PNPLA7: variants seen among roughly 807,000 people sequenced by gnomAD.
PNPLA7 encodes patatin-like phospholipase domain-containing protein 7.
PNPLA7 carries 153 observed loss-of-function variants against 161.7 expected under a neutral mutation model. The ratio of observed to expected loss-of-function variants is 0.95; its 90% CI spans 0.83 to 1.08. PNPLA7 has a LOEUF of 1.08. Among genes scored for constraint, PNPLA7 ranks in the 50% least tolerant of loss-of-function variants. PNPLA7 has a pLI of 0.00. For missense variants in PNPLA7, 1,739 were observed against 1,856.6 expected, an observed-to-expected ratio of 0.94 and a Z score of 1.16; for synonymous variants, 809 against 782.1, an observed-to-expected ratio of 1.03 and a Z score of -0.57.
rs141981552 is a variant in PNPLA7, at chr9:137,540,303, G to A, written c.747+339C>T. Among the ~76,000 whole-genome samples the A allele has an allele frequency of 4.8e-3, 734 of 152,354 alleles. 7 individuals carry two copies. The highest frequency in any genetic ancestry group is 0.016 in the African/African-American group (685 of 41,582). On this transcript the variant is annotated intron_variant, in intron 8 of 34. Coordinates refer to ENST00000406427, the MANE Select transcript of PNPLA7 (RefSeq NM_001098537.3). The surrounding 1 kb of genome is among the most constrained non-coding windows in gnomAD (Gnocchi z 5.1). ...GAAACGGGGGTGGCTGGTCCCTCGG[G>A]AGGGCCTTGGGCCTGAGGAGAGGAG...
intron 9 of PNPLA7, 65 bp from the exon 10 acceptor site, chr9:137,521,781 A>G (rs564770853): frequency 1.4e-6 from 2 of 1,432,204 alleles, no homozygotes; most frequent in South Asian, 2.3e-5. Context: ...CCCCGGCAGC[A>G]CCACACAGAG....
At chr9:137,485,479 C>A (rs1415982734) in intron 20 of PNPLA7, among the ~76,000 whole-genome samples, 1 of 152,252 alleles carries the variant, frequency 6.6e-6, no homozygotes, top group South Asian at 2.1e-4. Flanking sequence ...CAGACACACT[C>A]TCCAGGTGAG....
chr9:137,520,382 C>T lies in PNPLA7; in HGVS notation c.958-339G>A, dbSNP rs752544569. On this transcript the variant is annotated intron_variant, in intron 10 of 34. Coordinates refer to ENST00000406427, the MANE Select transcript of PNPLA7 (RefSeq NM_001098537.3). The surrounding 1 kb of genome is among the most constrained non-coding windows in gnomAD (Gnocchi z 5.2). ...CTTTTACCCTAGGCCCTGTCTCAAACACTTGATCAAGTCAACATACTGCCC... is the reference window on the plus strand; with the variant it reads ...CTTTTACCCTAGGCCCTGTCTCAAATACTTGATCAAGTCAACATACTGCCC... Among the ~76,000 whole-genome samples, 2 of 152,232 alleles carry T rather than the reference C, an allele frequency of 1.3e-5. No individual in the cohort carries two copies. Among genetic ancestry groups the T allele is most frequent in the Admixed American group, 6.5e-5 (1 of 15,278 alleles).
chr9:137,512,606 G>C (rs750572082), intron 12 of PNPLA7, among the ~76,000 whole-genome samples: 1 of 152,134 alleles, frequency 6.6e-6, no homozygotes, highest in Non-Finnish European at 1.5e-5. Flanking sequence ...TGCAATGTGC[G>C]TCCTGCATGC....
rs140268990 is a variant in PNPLA7 at position 137,463,457 on chromosome 9, C to T, written c.3301G>A (p.Gly1101Arg). 81 of 1,598,938 alleles carry T rather than the reference C, an allele frequency of 5.1e-5. No homozygotes were observed. Among genetic ancestry groups the T allele is most frequent in the Admixed American group, 1.4e-4 (8 of 57,858 alleles). ...YMPPLCDPKD[G>R]HLLMDGGYIN... ...TAGCCCCCGTCCATCAGCAGGTGTC[C>T]GTCCTTCGGGTCACAGAGAGGGGGC... Residue 1101 changes from glycine to arginine, a missense_variant, in exon 29 of 35, where the codon GGA becomes AGA. Physicochemically the swap from Gly to Arg is moderately radical, Grantham distance 125. This residue lies in a region of PNPLA7 where 703 missense variants were observed against 694.6 expected (regional missense o/e 1.01). Coordinates refer to ENST00000406427, the MANE Select transcript of PNPLA7 (RefSeq NM_001098537.3).
At chr9:137,528,037 G>A (rs191304219) in intron 8 of PNPLA7, among the ~76,000 whole-genome samples, 4 of 152,292 alleles carry the variant, frequency 2.6e-5, no homozygotes, top group Admixed American at 2.0e-4. Context: ...GCATAAAGCT[G>A]TTCAAAATAT....
chr9:137,529,946 A>G (rs942629114), intron 8 of PNPLA7, among the ~76,000 whole-genome samples: 5 of 151,240 alleles, frequency 3.3e-5, no homozygotes, highest in South Asian at 2.1e-4. Flanking sequence ...GGTGTGAGCC[A>G]CCGCGCCCAG....
At position 137,547,355 on chromosome 9, in the gene PNPLA7, C is replaced by T. The variant is rs778706673; in HGVS notation, c.147G>A (p.Leu49=). The T allele has an allele frequency of 6.2e-6, 10 of 1,613,584 alleles. No homozygotes were observed. The highest frequency in any genetic ancestry group is 8.5e-6 in the Non-Finnish European group (10 of 1,180,002). ...IAVGALLALA[L]VGVLILFMFR... ...ACATGAAAAGGATGAGGACACCAAC[C>T]AAGGCCAGGGCCAGGAGGGCTCCAA... Residue 49 remains leucine (L), a synonymous_variant, in exon 3 of 35, where the codon TTG becomes TTA. Transcript: ENST00000406427. The surrounding 1 kb of genome is among the most constrained non-coding windows in gnomAD (Gnocchi z 4.6).
rs557885490 is a variant in PNPLA7 at position 137,461,447 on chromosome 9, G to A, written c.3841+89C>T. 44 of 1,353,432 alleles carry A rather than the reference G, an allele frequency of 3.3e-5. 1 individual carries two copies. The highest frequency in any genetic ancestry group is 3.7e-4 in the Middle Eastern group (2 of 5,372). 83.8% of individuals were successfully genotyped at this position (1,353,432 alleles called of 1,614,324 possible). On this transcript the variant is annotated intron_variant, in intron 33 of 34. Coordinates refer to ENST00000406427, the MANE Select transcript of PNPLA7 (RefSeq NM_001098537.3). Reference sequence around the variant, plus strand: ...GTGGACGTGGGCGGGAGGGGAGGCCGTGGGCCTCTGGGGTGGGGGGGTTCA... The same window carrying A: ...GTGGACGTGGGCGGGAGGGGAGGCCATGGGCCTCTGGGGTGGGGGGGTTCA...
intron 24 of PNPLA7, chr9:137,478,359 G>T: frequency 2.5e-6 from 1 of 400,508 alleles, no homozygotes; most frequent in Non-Finnish European, 4.4e-6. Flanking sequence ...GCTACTGGGG[G>T]GAGGACACTG....
At chr9:137,510,815 C>T (rs752374600) in intron 12 of PNPLA7, among the ~76,000 whole-genome samples, 2 of 152,118 alleles carry the variant, frequency 1.3e-5, no homozygotes, top group Non-Finnish European at 1.5e-5. Flanking sequence ...CCCGTGTGGG[C>T]GGAAAGTCAC....
At chr9:137,461,844 C>T in intron 32 of PNPLA7, 87 bp downstream of exon 32, 1 of 1,386,902 alleles carries the variant, frequency 7.2e-7, no homozygotes, top group Non-Finnish European at 9.7e-7. Context: ...AGGAGCTGGG[C>T]GTGGCCTGAT....
At chr9:137,478,423 C>T (rs1832045071) in intron 24 of PNPLA7, 1 of 339,312 alleles carries the variant, frequency 2.9e-6, no homozygotes, top group African/African-American at 2.1e-5. Flanking sequence ...AGAGAGTGGG[C>T]CCGGGTGGGG....
chr9:137,503,986 AAAGAAGC>A (rs1564325620), intron 14 of PNPLA7, among the ~76,000 whole-genome samples: 1 of 97,258 alleles, frequency 1.0e-5, no homozygotes, highest in African/African-American at 5.3e-5. Context: ...AAGGAAGAAG[AAAGAAGC>A]AAGAAGAAGA....
intron 11 of PNPLA7, 119 bp downstream of exon 11, chr9:137,519,797 CG>C (rs960088306): frequency 1.4e-4 from 193 of 1,347,172 alleles, no homozygotes; most frequent in Non-Finnish European, 1.8e-4. Context: ...TGAGGTGACC[CG>C]GGGATGTGTG....
intron 16 of PNPLA7, among the ~76,000 whole-genome samples, chr9:137,498,969 G>A (rs567933866): frequency 1.8e-4 from 27 of 152,260 alleles, no homozygotes; most frequent in Non-Finnish European, 2.8e-4. Flanking sequence ...CACAGGAGGT[G>A]GGGGAAGCTG....
At position 137,500,885 on chromosome 9, in the gene PNPLA7, G is replaced by C; in HGVS notation, c.1563C>G (p.Ile521Met). 6.4e-7 allele frequency: 1 copy of C among 1,572,312 alleles called. No individual in the cohort carries two copies. The highest frequency in any genetic ancestry group is 8.6e-7 in the Non-Finnish European group (1 of 1,162,716). The change falls in exon 16 of 35, where the codon ATC becomes ATG. Residue 521 changes from isoleucine (I) to methionine (M), a missense_variant. Ile to Met is a conservative substitution (Grantham distance 10, BLOSUM62 1). Transcript: ENST00000406427. This position sits in a 1 kb window ranked among gnomAD's most constrained non-coding sequence, Gnocchi z 5.5. ...GCAGCAGCCCCGAGACCACGAACAGGATGCTGGCGTCCTGACACACGAGAG... is the reference window on the plus strand; with the variant it reads ...GCAGCAGCCCCGAGACCACGAACAGCATGCTGGCGTCCTGACACACGAGAG... ...VSRQGDQDASILFVVSGLLHV... is the reference protein window; with the variant it reads ...VSRQGDQDASMLFVVSGLLHV...
In PNPLA7 at chr9:137,542,664, A is replaced by G; in HGVS notation, c.644T>C (p.Leu215Pro). The change falls in exon 7 of 35, where the codon CTG (leucine) becomes CCG (proline). Residue 215 changes from leucine (L) to proline (P), a missense_variant. Leu to Pro is a moderately conservative substitution (Grantham distance 98, BLOSUM62 -3). Coordinates refer to ENST00000406427, the MANE Select transcript of PNPLA7 (RefSeq NM_001098537.3). ...CACAGTGTCCTGGATGCAGACCTCC[A>G]GCCGCCCGTCCTGCACCACACAGAT... ...PSICVVQDGR[L>P]EVCIQDTDGT... The G allele has an allele frequency of 6.2e-7, 1 of 1,610,434 alleles. No homozygotes were observed. The highest frequency in any genetic ancestry group is 1.1e-5 in the South Asian group (1 of 90,916).
At chr9:137,477,513 G>C (rs1047442682) in intron 25 of PNPLA7, among the ~76,000 whole-genome samples, 1 of 151,944 alleles carries the variant, frequency 6.6e-6, no homozygotes, top group Non-Finnish European at 1.5e-5. Flanking sequence ...GTAGTGGTAC[G>C]ATCTTGGCTC....
Sources: allele counts gnomAD v4.1 joint callset (sites outside exome capture counted in the v4.1 genomes callset), GRCh38; gene constraint gnomAD v4.1.1; regional missense constraint gnomAD v4.1.1; non-coding constraint Gnocchi (gnomAD v3.1); transcripts MANE v1.5; gene names NCBI Gene and HGNC (gene_info 2026-07-23, HGNC 2026-07-21).